Variants in BRWD1 observed in about 807,000 individuals in gnomAD.
The protein encoded by BRWD1 is bromodomain and WD repeat-containing protein 1.
In BRWD1, 82 loss-of-function variants were observed where a neutral mutation model predicts 251.2. The ratio of observed to expected loss-of-function variants is 0.33; its 90% CI spans 0.27 to 0.39. The LOEUF is 0.39. Among genes scored for constraint, BRWD1 ranks in the 10% least tolerant of loss-of-function variants. The probability of loss-of-function intolerance (pLI) is 1.00; values close to 1 mark genes in which losing one functional copy is unlikely to be tolerated. For missense variants in BRWD1, 2,233 were observed against 2,711.6 expected (o/e 0.82, Z 3.92); for synonymous variants, 918 against 902.8 (o/e 1.02, Z -0.30).
Position 39,187,024 on chromosome 21 carries a change from C to T in BRWD1, c.*9235G>A. 6.5e-7 allele frequency: 1 copy of T among 1,545,374 alleles called. No homozygotes were observed. The stretch of plus-strand genomic sequence containing the variant: ...GATGCCACTTCTACATTCTCATAGT[C>T]ACTATTGTGCATTTTCTTTCCAGGA... On this transcript the variant is annotated 3_prime_UTR_variant, in exon 41 of 41. Transcript: ENST00000342449.
At position 39,199,310 on chromosome 21, in the gene BRWD1, C is replaced by G; in HGVS notation, c.5106G>C (p.Val1702=). 1 of 1,614,172 alleles carries G rather than the reference C, an allele frequency of 6.2e-7. No homozygotes were observed. The highest frequency in any genetic ancestry group is 1.7e-5 in the Admixed American group (1 of 60,024). Reference sequence around the variant, plus strand: ...TGCTCTGGGCAGTGTGAGAACTGGACACTGGTAATAGTTGATTTTCATCTT... The same window carrying G: ...TGCTCTGGGCAGTGTGAGAACTGGAGACTGGTAATAGTTGATTTTCATCTT... The part of the protein sequence containing the change: ...ELKDENQLLP[V]SSSHTAQSNV... The change falls in exon 40 of 41, where the codon GTG becomes GTC. Residue 1702 remains valine, a synonymous_variant. Transcript: ENST00000342449.
intron 4 of BRWD1, among the ~76,000 whole-genome samples, chr21:39,308,884 T>C (rs1174842290): frequency 6.6e-6 from 1 of 152,000 alleles, no homozygotes; most frequent in Admixed American, 6.5e-5. Flanking sequence ...TTTAAGATAA[T>C]CAGGGAAGGG....
intron 10 of BRWD1, among the ~76,000 whole-genome samples, chr21:39,278,020 T>A (rs940190052): frequency 6.6e-6 from 1 of 151,974 alleles, no homozygotes; most frequent in Non-Finnish European, 1.5e-5. Flanking sequence ...AATTTTTGTT[T>A]TGTTTTTTTT....
chr21:39,303,380 A>G (rs764851683), intron 4 of BRWD1, among the ~76,000 whole-genome samples: 7 of 151,526 alleles, frequency 4.6e-5, no homozygotes, highest in South Asian at 4.2e-4. Flanking sequence ...TTAGCCGGGC[A>G]TGGTAGCAGG....
At position 39,244,102 on chromosome 21, in the gene BRWD1, C is replaced by T. The variant is rs961969221; in HGVS notation, c.2481+3599G>A. On this transcript the variant is annotated intron_variant, in intron 21 of 40. Coordinates refer to ENST00000342449, the MANE Select transcript of BRWD1 (RefSeq NM_033656.4). Reference sequence around the variant, plus strand: ...TTTTTTTTCTTTTTTTGAGATCTGTCGCCCAGGCTGGAGTGCAGTGGCGCG... The same window carrying T: ...TTTTTTTTCTTTTTTTGAGATCTGTTGCCCAGGCTGGAGTGCAGTGGCGCG... 4.0e-5 allele frequency among the ~76,000 whole-genome samples: 6 copies of T among 151,226 alleles called. No homozygotes were observed. The South Asian group carries it at 1.0e-3, about 26-fold the overall frequency.
At position 39,190,940 on chromosome 21, in the gene BRWD1, T is replaced by A. The variant is rs564256583; in HGVS notation, c.*5319A>T. ...TCTTATTCTGGAACTACAACTAATC[T>A]AGCTCATCACAATACAGTTTTCTCT... On this transcript the variant is annotated 3_prime_UTR_variant, in exon 41 of 41. Transcript: ENST00000342449. The A allele has an allele frequency of 1.2e-5, 12 of 985,280 alleles. No homozygotes were observed. In the East Asian group the frequency reaches 4.5e-4, roughly 37 times the overall value. 61.0% of individuals were successfully genotyped at this position (985,280 alleles called of 1,614,324 possible). A position where few individuals can be genotyped will look rare whatever the true frequency, so the allele number is the denominator to read the frequency against.
chr21:39,305,376 C>T (rs962442048), intron 4 of BRWD1, among the ~76,000 whole-genome samples: 2 of 152,154 alleles, frequency 1.3e-5, no homozygotes. Flanking sequence ...CCCTTAGATA[C>T]AAATAACTTC....
intron 26 of BRWD1, among the ~76,000 whole-genome samples, chr21:39,228,788 G>C (rs2033488479): frequency 6.6e-6 from 1 of 151,998 alleles, no homozygotes; most frequent in African/African-American, 2.4e-5. Context: ...AAACAAAATA[G>C]AGATCTGACA....
At chr21:39,220,649 T>C (rs967309599) in intron 29 of BRWD1, among the ~76,000 whole-genome samples, 6 of 152,136 alleles carry the variant, frequency 3.9e-5, no homozygotes, top group Admixed American at 2.0e-4. Flanking sequence ...CCAACCAGAA[T>C]TGGCACATAT....
chr21:39,269,910 A>G lies in BRWD1; in HGVS notation c.1519T>C (p.Tyr507His), dbSNP rs751392971. 1 of 1,521,400 alleles carries G rather than the reference A, an allele frequency of 6.6e-7. No homozygotes were observed. Among genetic ancestry groups the G allele is most frequent in the East Asian group, 2.4e-5 (1 of 41,204 alleles). The allele number at this position is 1,521,400 out of a possible 1,614,324, so 94.2% of individuals were successfully genotyped here. ...DITKGTKMKHYFNMIEGQGHG... is the reference protein window; with the variant it reads ...DITKGTKMKHHFNMIEGQGHG... ...CTCACTTCACTTACCATATTAAAAT[A>G]ATGTTTCATCTTGGTACCTTTTGTA... Residue 507 changes from tyrosine (Y) to histidine (H), a missense_variant, in exon 15 of 41, where the codon TAT becomes CAT. By Grantham distance (83) the Tyr-to-His change is moderately conservative (BLOSUM62 2). Transcript: ENST00000342449.
chr21:39,250,505 TA>T (rs558000169), intron 20 of BRWD1, among the ~76,000 whole-genome samples: 163 of 142,408 alleles, frequency 1.1e-3, no homozygotes, highest in Middle Eastern at 3.5e-3. Flanking sequence ...TGAGAGCCCT[TA>T]AAAAAAAAAA....
intron 17 of BRWD1, among the ~76,000 whole-genome samples, chr21:39,262,782 T>C (rs1159678723): frequency 6.6e-6 from 1 of 152,170 alleles, no homozygotes; most frequent in Non-Finnish European, 1.5e-5. Context: ...AATGTAACAC[T>C]GATTACAAGG....
At chr21:39,308,504 A>G (rs991758126) in intron 4 of BRWD1, among the ~76,000 whole-genome samples, 1 of 151,344 alleles carries the variant, frequency 6.6e-6, no homozygotes, top group Non-Finnish European at 1.5e-5. Context: ...AAAAAAAAGC[A>G]AAAGTACCAA....
At position 39,295,537 on chromosome 21, in the gene BRWD1, C is replaced by A. The variant is rs538392272; in HGVS notation, c.609+206G>T. ...TAAATATCACATTTAAGAACGACTA[C>A]TCTAAATCACTGTCTTTCAAAACAG... On this transcript the variant is annotated intron_variant, in intron 7 of 40. Transcript: ENST00000342449. Among the ~76,000 whole-genome samples, 8 of 152,000 alleles carry A rather than the reference C, an allele frequency of 5.3e-5. No homozygotes were observed. The East Asian group carries it at 1.4e-3, about 26-fold the overall frequency.
intron 17 of BRWD1, among the ~76,000 whole-genome samples, chr21:39,262,191 G>C (rs549621195): frequency 2.0e-4 from 30 of 152,312 alleles, no homozygotes; most frequent in Non-Finnish European, 2.2e-4. Context: ...AAACTGAAGA[G>C]AGAAATGACA....
intron 11 of BRWD1, among the ~76,000 whole-genome samples, chr21:39,276,542 G>A (rs907320027): frequency 2.0e-4 from 30 of 152,094 alleles, no homozygotes; most frequent in Admixed American, 1.8e-3. Context: ...TCAAAATATA[G>A]GCTTTAAAGT....
chr21:39,259,125 A>G (rs1016508307), intron 17 of BRWD1, among the ~76,000 whole-genome samples: 1 of 152,194 alleles, frequency 6.6e-6, no homozygotes, highest in Admixed American at 6.5e-5. Flanking sequence ...AAAGGGAGGT[A>G]AGACCTTTTT....
chr21:39,196,991 T>G lies in BRWD1; in HGVS notation c.6078A>C (p.Ser2026=). The part of the protein sequence containing the change: ...GDSDSEDMLN[S]EHKHRHTNIH... ...TATTGGTATGCCTGTGCTTGTGTTC[T>G]GAATTCAACATATCTTCAGAGTCTG... The change falls in exon 41 of 41, where the codon TCA becomes TCC. Residue 2026 remains serine, a synonymous_variant. Transcript: ENST00000342449. 1 of 1,614,116 alleles carries G rather than the reference T, an allele frequency of 6.2e-7. No individual in the cohort carries two copies. The highest frequency in any genetic ancestry group is 8.5e-7 in the Non-Finnish European group (1 of 1,179,962).
At chr21:39,283,077 C>T (rs529225278) in intron 8 of BRWD1, among the ~76,000 whole-genome samples, 1 of 152,196 alleles carries the variant, frequency 6.6e-6, no homozygotes, top group African/African-American at 2.4e-5. Flanking sequence ...TTCTGTCCCA[C>T]TTATATCTTC....
Sources: allele counts gnomAD v4.1 joint callset (sites outside exome capture counted in the v4.1 genomes callset), GRCh38; gene constraint gnomAD v4.1.1; transcripts MANE v1.5; gene names NCBI Gene and HGNC (gene_info 2026-07-23, HGNC 2026-07-21).